SEMA3C: variants seen among roughly 807,000 people sequenced by gnomAD.
The protein encoded by SEMA3C is semaphorin 3C.
In SEMA3C, 47 loss-of-function variants were observed where a neutral mutation model predicts 89.4. The ratio of observed to expected loss-of-function variants is 0.53; its 90% CI spans 0.42 to 0.67. SEMA3C has a LOEUF of 0.67. Ranked by LOEUF, SEMA3C falls within the 30% of genes least tolerant of loss-of-function variation. The probability of loss-of-function intolerance (pLI) is 0.00; values close to 1 mark genes in which losing one functional copy is unlikely to be tolerated. For synonymous variants in SEMA3C, 310 were observed against 320.2 expected, an observed-to-expected ratio of 0.97 and a Z score of 0.34; for missense variants, 839 against 929.1, an observed-to-expected ratio of 0.90 and a Z score of 1.26.
intron 2 of SEMA3C, among the ~76,000 whole-genome samples, chr7:80,890,980 C>G (rs1373038549): frequency 6.6e-6 from 1 of 152,144 alleles, no homozygotes; most frequent in Non-Finnish European, 1.5e-5. Context: ...GTTCAGATCT[C>G]AATTCCAGGG....
At position 80,834,100 on chromosome 7, in the gene SEMA3C, G is replaced by C. The variant is rs192744690; in HGVS notation, c.104-5355C>G. On this transcript the variant is annotated intron_variant, in intron 2 of 17. Coordinates refer to ENST00000265361, the MANE Select transcript of SEMA3C (RefSeq NM_006379.5). ...CAGGACATGCTCAATTAACGAATAAGGGACTCTGGCTGAGAGTATGTAGTA... is the reference window on the plus strand; with the variant it reads ...CAGGACATGCTCAATTAACGAATAACGGACTCTGGCTGAGAGTATGTAGTA... Among the ~76,000 whole-genome samples, 264 of 152,170 alleles carry C rather than the reference G, an allele frequency of 1.7e-3. 11 individuals are homozygous for C. The highest frequency in any genetic ancestry group is 0.017 in the Admixed American group (264 of 15,276).
intron 11 of SEMA3C, among the ~76,000 whole-genome samples, chr7:80,791,315 A>T (rs955913642): frequency 1.3e-5 from 2 of 152,206 alleles, no homozygotes. Flanking sequence ...ACCATTGGGT[A>T]TAATATTTTA....
At chr7:80,846,364 T>C (rs1327888366) in intron 2 of SEMA3C, among the ~76,000 whole-genome samples, 1 of 152,180 alleles carries the variant, frequency 6.6e-6, no homozygotes, top group Non-Finnish European at 1.5e-5. Flanking sequence ...TTTGTATGTT[T>C]GTTTGTTTTT....
At chr7:80,865,421 T>C (rs1056495665) in intron 2 of SEMA3C, among the ~76,000 whole-genome samples, 1 of 152,192 alleles carries the variant, frequency 6.6e-6, no homozygotes, top group Non-Finnish European at 1.5e-5. Flanking sequence ...CCAATCATTG[T>C]ATCCTTATGT....
chr7:80,898,192 C>A (rs552082212), intron 2 of SEMA3C, among the ~76,000 whole-genome samples: 345 of 151,898 alleles, frequency 2.3e-3, no homozygotes, highest in Non-Finnish European at 3.7e-3. Context: ...TGCTGAACCC[C>A]GCGTGCCGAC....
chr7:80,850,216 A>G (rs1406048381), intron 2 of SEMA3C, among the ~76,000 whole-genome samples: 1 of 152,210 alleles, frequency 6.6e-6, no homozygotes, highest in Non-Finnish European at 1.5e-5. Context: ...ATAAATTTCT[A>G]TAACCATTTT....
intron 11 of SEMA3C, among the ~76,000 whole-genome samples, chr7:80,795,706 C>A (rs1468475288): frequency 6.6e-6 from 1 of 152,162 alleles, no homozygotes; most frequent in South Asian, 2.1e-4. Context: ...CACAGTGATG[C>A]TCTGAGTTCT....
At chr7:80,818,176 G>T in intron 5 of SEMA3C, 123 bp downstream of exon 5, 1 of 907,262 alleles carries the variant, frequency 1.1e-6, no homozygotes, top group Non-Finnish European at 1.6e-6. Flanking sequence ...AATATAGTTT[G>T]TATTTAAAGG....
chr7:80,792,334 A>G (rs1467647165), intron 11 of SEMA3C, among the ~76,000 whole-genome samples: 1 of 152,250 alleles, frequency 6.6e-6, no homozygotes, highest in African/African-American at 2.4e-5. Context: ...GAAAACATGG[A>G]AAGAGCAATG....
At chr7:80,853,415 A>G (rs780794774) in intron 2 of SEMA3C, among the ~76,000 whole-genome samples, 16 of 152,250 alleles carry the variant, frequency 1.1e-4, no homozygotes, top group Non-Finnish European at 1.6e-4. Context: ...GTACATATAC[A>G]CAATGGAGAA....
intron 2 of SEMA3C, among the ~76,000 whole-genome samples, chr7:80,852,162 G>A (rs371528897): frequency 1.6e-3 from 237 of 152,206 alleles, no homozygotes; most frequent in Middle Eastern, 3.4e-3. Flanking sequence ...GGAAGCAGAC[G>A]AACCCCTTTA....
intron 6 of SEMA3C, among the ~76,000 whole-genome samples, chr7:80,809,953 G>A (rs1229330640): frequency 6.6e-6 from 1 of 152,026 alleles, no homozygotes; most frequent in Non-Finnish European, 1.5e-5. Flanking sequence ...TCAGGGGCTG[G>A]AGGACAGAGG....
intron 17 of SEMA3C, among the ~76,000 whole-genome samples, chr7:80,747,292 C>A (rs544787670): frequency 1.3e-5 from 2 of 152,170 alleles, no homozygotes; most frequent in South Asian, 4.1e-4. Context: ...AAATCCTTAA[C>A]ACATTCCATT....
intron 14 of SEMA3C, among the ~76,000 whole-genome samples, chr7:80,760,984 T>C (rs1788170421): frequency 2.6e-5 from 4 of 152,178 alleles, no homozygotes; most frequent in Admixed American, 6.5e-5. Flanking sequence ...CATGTATATA[T>C]TGGAATTGTA....
chr7:80,874,841 G>C (rs140000642), intron 2 of SEMA3C, among the ~76,000 whole-genome samples: 11 of 152,198 alleles, frequency 7.2e-5, no homozygotes, highest in African/African-American at 2.6e-4. Context: ...TAGCACTTTA[G>C]AGGCTGAGGC....
At position 80,765,233 on chromosome 7, in the gene SEMA3C, A is replaced by G. The variant is rs758415136; in HGVS notation, c.1365T>C (p.Thr455=). The G allele has an allele frequency of 6.8e-6, 11 of 1,611,844 alleles. No homozygotes were observed. The South Asian group carries it at 1.2e-4, about 18-fold the overall frequency. ...HVLFLGTDRG[T]VQKVVVLPTN... ...TAGGAAGAACAACCACTTTTTGCAC[A>G]GTACCCCGATCTAAATTAAAAAAAG... Residue 455 remains threonine (T), a synonymous_variant, in exon 13 of 18, where the codon ACT becomes ACC. Transcript: ENST00000265361.
At chr7:80,839,219 A>G (rs1790207667) in intron 2 of SEMA3C, among the ~76,000 whole-genome samples, 1 of 152,194 alleles carries the variant, frequency 6.6e-6, no homozygotes, top group Non-Finnish European at 1.5e-5. Flanking sequence ...AGTATCAATG[A>G]TATTCATACT....
intron 2 of SEMA3C, among the ~76,000 whole-genome samples, chr7:80,894,928 T>A (rs1193413952): frequency 6.6e-6 from 1 of 152,128 alleles, no homozygotes; most frequent in Non-Finnish European, 1.5e-5. Flanking sequence ...ATTCTTCATC[T>A]CTTTGGGCCT....
intron 15 of SEMA3C, among the ~76,000 whole-genome samples, chr7:80,752,226 A>C (rs749207076): frequency 6.6e-6 from 1 of 152,214 alleles, no homozygotes; most frequent in East Asian, 1.9e-4. Flanking sequence ...TTCCCAAAAT[A>C]TCTCTTATGG....
Sources: gnomAD v4.1 joint callset for allele counts (sites outside exome capture counted in the v4.1 genomes callset) on GRCh38, gnomAD v4.1.1 for gene constraint, MANE v1.5 for transcripts, NCBI Gene and HGNC (gene_info 2026-07-23, HGNC 2026-07-21) for gene names.